The following NPR1 variants were observed in gnomAD, a reference collection of about 807,000 sequenced individuals.
NPR1 encodes the protein natriuretic peptide receptor 1, also known as atrial natriuretic peptide receptor 1.
Under a neutral mutation model 116.9 loss-of-function variants are expected in NPR1, and 57 were observed. The observed-to-expected ratio is 0.49, with a 90% CI of 0.39 to 0.61. The LOEUF is 0.61. Ranked by LOEUF, NPR1 falls within the 20% of genes least tolerant of loss-of-function variation. The pLI is 0.00. For missense variants in NPR1, 1,096 were observed against 1,409.8 expected (o/e 0.78, Z 3.56); for synonymous variants, 555 against 601.6 (o/e 0.92, Z 1.13).
At chr1:153,692,627 C>T (rs1483102550) in intron 20 of NPR1, among the ~76,000 whole-genome samples, 1 of 152,110 alleles carries the variant, frequency 6.6e-6, no homozygotes, top group Admixed American at 6.6e-5. Context: ...ATTCTCCTGC[C>T]TCAGCCTCCC....
intron 14 of NPR1, 88 bp from the exon 15 acceptor site, chr1:153,687,965 T>G: frequency 1.8e-6 from 2 of 1,142,216 alleles, no homozygotes; most frequent in Non-Finnish European, 2.6e-6. Context: ...GGTCTTGGAC[T>G]TCCCCTGCCA....
chr1:153,679,889 C>T lies in NPR1; in HGVS notation c.721+60C>T, dbSNP rs904610217. ...CCGCAGGGCCTCCCCTCTGACCTGC[C>T]GGAGGCATCGGGACTTTCTCTCTCA... On this transcript the variant is annotated intron_variant, in intron 1 of 21. Transcript: ENST00000368680. The surrounding 1 kb of genome is among the most constrained non-coding windows in gnomAD (Gnocchi z 4.2). 2.7e-6 allele frequency: 4 copies of T among 1,507,996 alleles called. No homozygotes were observed. Among genetic ancestry groups the T allele is most frequent in the Non-Finnish European group, 3.5e-6 (4 of 1,137,446 alleles). The allele number at this position is 1,507,996 out of a possible 1,614,324, so 93.4% of individuals were successfully genotyped here.
At chr1:153,681,414 C>G in intron 3 of NPR1, 121 bp downstream of exon 3, 1 of 685,418 alleles carries the variant, frequency 1.5e-6, no homozygotes, top group Non-Finnish European at 2.5e-6. Flanking sequence ...TCCCATTGTT[C>G]CATGTTTCTC....
At chr1:153,683,563 C>T (rs1473849140) in intron 6 of NPR1, 52 bp downstream of exon 6, 12 of 1,608,908 alleles carry the variant, frequency 7.5e-6, no homozygotes, top group Non-Finnish European at 1.0e-5. Context: ...TGCATCCTTC[C>T]CCTAAGCACA....
At position 153,687,855 on chromosome 1, in the gene NPR1, G is replaced by A; in HGVS notation, c.2248+66G>A. ...AACGAACCCCAGCCCCAGGGAGAGG[G>A]TCCCCTGGCAGCACCACCACACCTT... On this transcript the variant is annotated intron_variant, in intron 14 of 21. Coordinates refer to ENST00000368680, the MANE Select transcript of NPR1 (RefSeq NM_000906.4). 4 of 1,487,884 alleles carry A rather than the reference G, an allele frequency of 2.7e-6. No individual in the cohort carries two copies. The South Asian group carries it at 5.2e-5, about 19-fold the overall frequency. 92.2% of individuals were successfully genotyped at this position (1,487,884 alleles called of 1,614,324 possible). A position where few individuals can be genotyped will look rare whatever the true frequency, so the allele number is the denominator to read the frequency against.
chr1:153,687,025 G>A lies in NPR1; in HGVS notation c.1873G>A (p.Glu625Lys). 6.2e-7 allele frequency: 1 copy of A among 1,614,116 alleles called. No individual in the cohort carries two copies. The highest frequency in any genetic ancestry group is 8.5e-7 in the Non-Finnish European group (1 of 1,179,978). The change falls in exon 12 of 22, where the codon GAG becomes AAG. Residue 625 changes from glutamate (E) to lysine (K), a missense_variant. Physicochemically the swap from Glu to Lys is moderately conservative, Grantham distance 56. Transcript: ENST00000368680. ...CTTATTGCCCCAGCAGGACATTCTG[G>A]AGAATGAGAGCATCACCCTGGACTG... ...CPRGSLQDILENESITLDWMF... is the reference protein window; with the variant it reads ...CPRGSLQDILKNESITLDWMF...
At chr1:153,681,487 T>C (rs1167826467) in intron 3 of NPR1, 194 bp downstream of exon 3, 2 of 641,526 alleles carry the variant, frequency 3.1e-6, no homozygotes, top group Non-Finnish European at 5.4e-6. Flanking sequence ...ATCAGTAATA[T>C]GGAGACGATA....
At chr1:153,692,999 G>GTACCTGTC in intron 20 of NPR1, 107 bp from the exon 21 acceptor site, 3 of 888,858 alleles carry the variant, frequency 3.4e-6, no homozygotes, top group Non-Finnish European at 5.4e-6. Context: ...GGGAGAGAGG[G>GTACCTGTC]TACCTGTCCA....
chr1:153,693,204 G>A lies in NPR1; in HGVS notation c.3123+7G>A, dbSNP rs2101742889. The A allele has an allele frequency of 6.2e-7, 1 of 1,613,588 alleles. No individual in the cohort carries two copies. Among genetic ancestry groups the A allele is most frequent in the South Asian group, 1.1e-5 (1 of 91,046 alleles). On this transcript the variant is annotated splice_region_variant and intron_variant, in intron 21 of 21. Coordinates refer to ENST00000368680, the MANE Select transcript of NPR1 (RefSeq NM_000906.4). The stretch of plus-strand genomic sequence containing the variant: ...AGGGGATGTAGAAATGAAGGTAGAG[G>A]GAGAAGCCTCTGCCCTCCCCACCTT...
In NPR1 at chr1:153,682,525, G is replaced by A; in HGVS notation, c.1199G>A (p.Ser400Asn). The A allele has an allele frequency of 6.2e-7, 1 of 1,614,066 alleles. No homozygotes were observed. The highest frequency in any genetic ancestry group is 8.5e-7 in the Non-Finnish European group (1 of 1,179,944). ...QGVTGYLKID[S>N]SGDRETDFSL... ...GTGACAGGATACCTGAAAATTGATAGCAGTGGCGATCGGGAAACAGACTTC... is the reference window on the plus strand; with the variant it reads ...GTGACAGGATACCTGAAAATTGATAACAGTGGCGATCGGGAAACAGACTTC... The change falls in exon 5 of 22, where the codon AGC becomes AAC. Residue 400 changes from serine to asparagine, a missense_variant. Ser to Asn is a conservative substitution (Grantham distance 46). Coordinates refer to ENST00000368680, the MANE Select transcript of NPR1 (RefSeq NM_000906.4).
intron 7 of NPR1, 94 bp downstream of exon 7, chr1:153,683,918 G>T (rs1292982814): frequency 2.7e-6 from 3 of 1,102,020 alleles, no homozygotes; most frequent in Non-Finnish European, 4.1e-6. Flanking sequence ...GAGGGCAGGG[G>T]TGAAGGGGCA....
rs899822377 is a variant in NPR1 at position 153,679,954 on chromosome 1, T to C, written c.721+125T>C. On this transcript the variant is annotated intron_variant, in intron 1 of 21. Transcript: ENST00000368680. The surrounding 1 kb of genome is among the most constrained non-coding windows in gnomAD (Gnocchi z 4.2). ...TCTTTCTCCTCGCCGTTCTTCATTC[T>C]ACTTTCAGCTCCCTGGCCCTTTCTA... 2 of 1,296,192 alleles carry C rather than the reference T, an allele frequency of 1.5e-6. No homozygotes were observed. Among genetic ancestry groups the C allele is most frequent in the Admixed American group, 2.8e-5 (1 of 36,072 alleles). 80.3% of individuals were successfully genotyped at this position (1,296,192 alleles called of 1,614,324 possible).
chr1:153,692,883 A>G (rs764861363), intron 20 of NPR1, among the ~76,000 whole-genome samples: 7 of 152,138 alleles, frequency 4.6e-5, no homozygotes, highest in Non-Finnish European at 1.0e-4. Context: ...TGGCTACTGT[A>G]TTGGATTACA....
At chr1:153,684,788 G>A (rs1669881101) in intron 7 of NPR1, among the ~76,000 whole-genome samples, 176 bp from the exon 8 acceptor site, 1 of 152,088 alleles carries the variant, frequency 6.6e-6, no homozygotes, top group South Asian at 2.1e-4. Flanking sequence ...TTCCCCCAAG[G>A]TCCCCAGTAA....
chr1:153,686,360 G>A (rs1004611049), intron 10 of NPR1, among the ~76,000 whole-genome samples, 160 bp downstream of exon 10: 2 of 151,998 alleles, frequency 1.3e-5, no homozygotes, highest in Non-Finnish European at 2.9e-5. Flanking sequence ...TGGGAGTGGG[G>A]GTATCCTAAG....
Position 153,686,766 on chromosome 1 carries a change from G to A in NPR1, c.1863+16G>A, listed in dbSNP as rs1669942276. 1.2e-6 allele frequency: 2 copies of A among 1,607,018 alleles called. No individual in the cohort carries two copies. The highest frequency in any genetic ancestry group is 8.5e-7 in the Non-Finnish European group (1 of 1,174,498). ...GAGCCTGCAGGTGAGGGGGACAAGG[G>A]GTGTCAAGAAACCTGGGTTCTAGCC... is the stretch of plus-strand genomic sequence containing the variant. On this transcript the variant is annotated intron_variant, in intron 11 of 21. Transcript: ENST00000368680.
chr1:153,687,129 A>T (rs762222412), intron 12 of NPR1, 42 bp downstream of exon 12: 1 of 1,613,754 alleles, frequency 6.2e-7, no homozygotes, highest in East Asian at 2.2e-5. Flanking sequence ...AGCAGGGGCC[A>T]GGCATGCTTC....
At position 153,689,623 on chromosome 1, in the gene NPR1, CG is replaced by C. The variant is rs1180636425; in HGVS notation, c.2757+106del. 4.6e-6 allele frequency: 6 copies of C among 1,292,654 alleles called. No homozygotes were observed. The highest frequency in any genetic ancestry group is 3.6e-5 in the Admixed American group (2 of 55,156). The allele number at this position is 1,292,654 out of a possible 1,614,324, so 80.1% of individuals were successfully genotyped here. ...GATGTGGAGTCTTAAGAGAGGAGAT[CG>C]GGGACACGGGCAGAGACAGTGACAC... is the stretch of plus-strand genomic sequence containing the variant. On this transcript the variant is annotated intron_variant, in intron 18 of 21. Coordinates refer to ENST00000368680, the MANE Select transcript of NPR1 (RefSeq NM_000906.4). The surrounding 1 kb of genome is among the most constrained non-coding windows in gnomAD (Gnocchi z 5.1).
Position 153,679,344 on chromosome 1 carries a change from G to A in NPR1, c.236G>A (p.Arg79His). 1 of 1,536,962 alleles carries A rather than the reference G, an allele frequency of 6.5e-7. No homozygotes were observed. The highest frequency in any genetic ancestry group is 8.7e-7 in the Non-Finnish European group (1 of 1,147,660). ...GACTTGCTGCCGGGCTGGACGGTCC[G>A]CACGGTGCTGGGCAGCAGCGAAAAC... is the stretch of plus-strand genomic sequence containing the variant. ...RPDLLPGWTV[R>H]TVLGSSENAL... Residue 79 changes from arginine (R) to histidine (H), a missense_variant, in exon 1 of 22, where the codon CGC becomes CAC. By Grantham distance (29) the Arg-to-His change is conservative. Coordinates refer to ENST00000368680, the MANE Select transcript of NPR1 (RefSeq NM_000906.4). The surrounding 1 kb of genome is among the most constrained non-coding windows in gnomAD (Gnocchi z 4.2).
Sources: gnomAD v4.1 joint callset for allele counts (sites outside exome capture counted in the v4.1 genomes callset) on GRCh38, gnomAD v4.1.1 for gene constraint, Gnocchi (gnomAD v3.1) non-coding constraint, MANE v1.5 for transcripts, NCBI Gene and HGNC (gene_info 2026-07-23, HGNC 2026-07-21) for gene names.